ATRIP: variants seen among roughly 807,000 people sequenced by gnomAD.
ATRIP encodes the protein ATR interacting protein.
In ATRIP, 44 loss-of-function variants were observed where a neutral mutation model predicts 78.1. The observed-to-expected ratio is 0.56, with a 90% CI of 0.44 to 0.72. The LOEUF is 0.72. ATRIP is among the 30% of genes least tolerant of loss of function. The pLI, the probability that ATRIP is intolerant of heterozygous loss-of-function variation, is 0.00. For missense variants in ATRIP, 927 were observed against 980.2 expected (o/e 0.95, Z 0.72); for synonymous variants, 388 against 408.9 (o/e 0.95, Z 0.62).
rs2040080611 is a variant in ATRIP, at chr3:48,460,676, T to A, written c.1622T>A (p.Met541Lys). The change falls in exon 8 of 13, where the codon ATG becomes AAG. Residue 541 changes from methionine (M) to lysine (K), a missense_variant. Transcript: ENST00000320211. The stretch of plus-strand genomic sequence containing the variant: ...CAAGGACAGCACCCACTGTTGAAGA[T>A]GCTTCTTCACCTGTTGGCTTTCTCT... ...DDQGQHPLLK[M>K]LLHLLAFSSA... 1 of 1,614,060 alleles carries A rather than the reference T, an allele frequency of 6.2e-7. No homozygotes were observed. Among genetic ancestry groups the A allele is most frequent in the Admixed American group, 1.7e-5 (1 of 60,006 alleles).
Position 48,463,780 on chromosome 3 carries a change from T to A in ATRIP, c.1781T>A (p.Leu594His). The A allele has an allele frequency of 6.2e-7, 1 of 1,614,182 alleles. No homozygotes were observed. The highest frequency in any genetic ancestry group is 8.5e-7 in the Non-Finnish European group (1 of 1,180,032). The change falls in exon 9 of 13, where the codon CTC becomes CAC. Residue 594 changes from leucine to histidine, a missense_variant. Coordinates refer to ENST00000320211, the MANE Select transcript of ATRIP (RefSeq NM_130384.3). ...GTGTTCCAAGTGCTGCCAAAGTGCC[T>A]CAGCCCAGAGACACCCCTGCCTAGC... ...QCVFQVLPKC[L>H]SPETPLPSVL...
At chr3:48,450,330 A>G (rs928050859) in intron 2 of ATRIP, among the ~76,000 whole-genome samples, 160 bp downstream of exon 2, 1 of 152,260 alleles carries the variant, frequency 6.6e-6, no homozygotes, top group East Asian at 1.9e-4. Flanking sequence ...TTTAGGCTGA[A>G]AGAAACTAAA....
rs748513423 is a variant in ATRIP, at chr3:48,459,767, A to T, written c.926-20A>T. ...GATCTCCCATGTCAGAACCTTCTAG[A>T]GTCATCTTGTCTTCTGCAGGTTCCA... On this transcript the variant is annotated intron_variant, in intron 6 of 12. Coordinates refer to ENST00000320211, the MANE Select transcript of ATRIP (RefSeq NM_130384.3). 4.4e-6 allele frequency: 7 copies of T among 1,606,368 alleles called. No individual in the cohort carries two copies. The Admixed American group carries it at 8.7e-5, about 20-fold the overall frequency.
rs2039694214 is a variant in ATRIP at position 48,447,031 on chromosome 3, G to C, written c.186G>C (p.Glu62Asp). 10 of 1,571,980 alleles carry C rather than the reference G, an allele frequency of 6.4e-6. No homozygotes were observed. In the East Asian group the frequency reaches 2.5e-4, roughly 40 times the overall value. The change falls in exon 1 of 13, where the codon GAG becomes GAC. Residue 62 changes from glutamate to aspartate, a missense_variant. Glu to Asp is a conservative substitution (Grantham distance 45). Coordinates refer to ENST00000320211, the MANE Select transcript of ATRIP (RefSeq NM_130384.3). ...HGDFTADDLEELDTLASQALS... is the reference protein window; with the variant it reads ...HGDFTADDLEDLDTLASQALS... Reference sequence around the variant, plus strand: ...ACTTCACTGCCGACGACCTGGAGGAGCTTGACACCCTCGCGTCACAGGCCC... The same window carrying C: ...ACTTCACTGCCGACGACCTGGAGGACCTTGACACCCTCGCGTCACAGGCCC...
intron 1 of ATRIP, among the ~76,000 whole-genome samples, chr3:48,449,187 G>A (rs574103381): frequency 1.7e-4 from 26 of 152,082 alleles, no homozygotes; most frequent in Non-Finnish European, 3.1e-4. Flanking sequence ...GCCAAGGTGG[G>A]CTGATCACTT....
chr3:48,453,964 T>G (rs6764539), intron 3 of ATRIP, among the ~76,000 whole-genome samples: 1,932 of 152,198 alleles, frequency 0.013, 43 homozygotes, highest in African/African-American at 0.043. Context: ...CTTGCTATTT[T>G]GCCCAGGCTG....
At position 48,450,100 on chromosome 3, in the gene ATRIP, A is replaced by G. The variant is rs374799413; in HGVS notation, c.311A>G (p.Glu104Gly). ...MSKNPSGKNRETVPIKDNFEL... is the reference protein window; with the variant it reads ...MSKNPSGKNRGTVPIKDNFEL... ...AAAAATCCTTCAGGGAAAAACAGAGAAACTGTTCCAATTAAAGATAATTTC... is the reference window on the plus strand; with the variant it reads ...AAAAATCCTTCAGGGAAAAACAGAGGAACTGTTCCAATTAAAGATAATTTC... Residue 104 changes from glutamate (E) to glycine (G), a missense_variant, in exon 2 of 13, where the codon GAA (glutamate) becomes GGA (glycine). Transcript: ENST00000320211. 4 of 1,613,118 alleles carry G rather than the reference A, an allele frequency of 2.5e-6. No homozygotes were observed. The African/African-American group carries it at 5.3e-5, about 22-fold the overall frequency.
intron 8 of ATRIP, chr3:48,461,525 C>G (rs935731644): frequency 2.0e-5 from 3 of 152,386 alleles, no homozygotes; most frequent in Non-Finnish European, 4.4e-5. Context: ...ACTGCTGTTT[C>G]CTAGATCTGT....
rs2040280887 is a variant in ATRIP, at chr3:48,466,097, T to A, written c.*543T>A. 2.6e-6 allele frequency: 1 copy of A among 385,184 alleles called. No individual in the cohort carries two copies. Among genetic ancestry groups the A allele is most frequent in the South Asian group, 2.3e-5 (1 of 43,912 alleles). The allele number at this position is 385,184 out of a possible 1,614,324, so 23.9% of individuals were successfully genotyped here. ...CCACAGCTGTGGATCTTGGAAGGCC[T>A]CTGGGGTCCCCCGGGAGCAGGGGAG... On this transcript the variant is annotated 3_prime_UTR_variant, in exon 13 of 13. Transcript: ENST00000320211.
rs1325122229 is a variant in ATRIP, at chr3:48,466,164, A to G, written c.*610A>G. 2 of 487,006 alleles carry G rather than the reference A, an allele frequency of 4.1e-6. No homozygotes were observed. The highest frequency in any genetic ancestry group is 3.9e-5 in the African/African-American group (2 of 51,322). The allele number at this position is 487,006 out of a possible 1,614,324, so 30.2% of individuals were successfully genotyped here. A position where few individuals can be genotyped will look rare whatever the true frequency, so the allele number is the denominator to read the frequency against. Reference sequence around the variant, plus strand: ...CGGATGGTGGTGAGAGGGACAGACCAGGCAGGCTGACGAGCAGGGCGGGCC... The same window carrying G: ...CGGATGGTGGTGAGAGGGACAGACCGGGCAGGCTGACGAGCAGGGCGGGCC... On this transcript the variant is annotated 3_prime_UTR_variant, in exon 13 of 13. Transcript: ENST00000320211.
In ATRIP at chr3:48,446,803, A is replaced by G; in HGVS notation, c.-43A>G. On this transcript the variant is annotated 5_prime_UTR_variant, in exon 1 of 13. Transcript: ENST00000320211. ...CAGTTCTCCGGCCTGGCGGCAGGCA[A>G]GTCTAGCTCGGCGCTGTCGGATACT... 1 of 1,367,006 alleles carries G rather than the reference A, an allele frequency of 7.3e-7. No individual in the cohort carries two copies. Among genetic ancestry groups the G allele is most frequent in the Middle Eastern group, 2.9e-4 (1 of 3,466 alleles). The allele number at this position is 1,367,006 out of a possible 1,614,324, so 84.7% of individuals were successfully genotyped here.
Position 48,447,112 on chromosome 3 carries a change from T to A in ATRIP, c.247+20T>A. The A allele has an allele frequency of 6.7e-7, 1 of 1,482,818 alleles. No individual in the cohort carries two copies. Among genetic ancestry groups the A allele is most frequent in the Non-Finnish European group, 9.0e-7 (1 of 1,112,382 alleles). The allele number at this position is 1,482,818 out of a possible 1,614,324, so 91.9% of individuals were successfully genotyped here. A position where few individuals can be genotyped will look rare whatever the true frequency, so the allele number is the denominator to read the frequency against. On this transcript the variant is annotated intron_variant, in intron 1 of 12. Transcript: ENST00000320211. ...TGTCCAGTGAGTGCTCCTCGCGGCC[T>A]TTTGCTCGGAGGGAGTTGTCAACCG...
intron 1 of ATRIP, 78 bp from the exon 2 acceptor site, chr3:48,449,959 A>AT (rs896342018): frequency 2.8e-5 from 40 of 1,424,032 alleles, no homozygotes; most frequent in African/African-American, 4.4e-5. Flanking sequence ...AAAAAAAAAA[A>AT]GTGGGTATTT....
Position 48,460,458 on chromosome 3 carries a change from G to T in ATRIP, c.1404G>T (p.Val468=), listed in dbSNP as rs2040072527. Residue 468 remains valine, a synonymous_variant, in exon 8 of 13, where the codon GTG becomes GTT. Coordinates refer to ENST00000320211, the MANE Select transcript of ATRIP (RefSeq NM_130384.3). ...TAGAGACCAACCCTGAGGACTCAGT[G>T]TGCATCCTGGAAGGCTTCTCTGTGA... The part of the protein sequence containing the change: ...SGVETNPEDS[V]CILEGFSVTA... 1 of 1,610,958 alleles carries T rather than the reference G, an allele frequency of 6.2e-7. No homozygotes were observed. Among genetic ancestry groups the T allele is most frequent in the Non-Finnish European group, 8.5e-7 (1 of 1,178,272 alleles).
intron 2 of ATRIP, chr3:48,450,448 A>T (rs2039804284): frequency 2.5e-6 from 3 of 1,177,510 alleles, no homozygotes; most frequent in Non-Finnish European, 3.4e-6. Context: ...ATGTATCTTC[A>T]TGTGAATAAT....
In ATRIP at chr3:48,457,273, C is replaced by G. The variant is rs1297158554; in HGVS notation, c.686C>G (p.Pro229Arg). ...SVSHVSPRKN[P>R]SVVIKPEACS... is the part of the protein sequence containing the mutation. ...ACTTTTTCCAGTCCTAGGAAAAACCCTTCTGTGGTTATAAAGCCAGAAGCA... is the reference window on the plus strand; with the variant it reads ...ACTTTTTCCAGTCCTAGGAAAAACCGTTCTGTGGTTATAAAGCCAGAAGCA... The change falls in exon 5 of 13, where the codon CCT becomes CGT. Residue 229 changes from proline to arginine, a missense_variant. Coordinates refer to ENST00000320211, the MANE Select transcript of ATRIP (RefSeq NM_130384.3). 5.1e-6 allele frequency: 8 copies of G among 1,583,698 alleles called. No homozygotes were observed. The African/African-American group carries it at 1.1e-4, about 22-fold the overall frequency.
At position 48,463,686 on chromosome 3, in the gene ATRIP, G is replaced by T. The variant is rs1016117968; in HGVS notation, c.1746-59G>T. 2.1e-5 allele frequency: 33 copies of T among 1,603,996 alleles called. No individual in the cohort carries two copies. In the African/African-American group the frequency reaches 4.4e-4, roughly 21 times the overall value. On this transcript the variant is annotated intron_variant, in intron 8 of 12. Transcript: ENST00000320211. ...TCTGTTACCTCTAGTGGAGTGTGAA[G>T]GTAGGTTATGGAGCTGGGGTTGGGG...
Position 48,447,014 on chromosome 3 carries a change from G to A in ATRIP, c.169G>A (p.Ala57Thr), listed in dbSNP as rs767707232. 2.0e-5 allele frequency: 31 copies of A among 1,581,168 alleles called. No homozygotes were observed. Among genetic ancestry groups the A allele is most frequent in the African/African-American group, 2.8e-5 (2 of 71,654 alleles). Residue 57 changes from alanine (A) to threonine (T), a missense_variant, in exon 1 of 13, where the codon GCC becomes ACC. By Grantham distance (58) the Ala-to-Thr change is moderately conservative. Transcript: ENST00000320211. Reference sequence around the variant, plus strand: ...GTTCGGCGCGCATGGGGACTTCACTGCCGACGACCTGGAGGAGCTTGACAC... The same window carrying A: ...GTTCGGCGCGCATGGGGACTTCACTACCGACGACCTGGAGGAGCTTGACAC... Reference protein sequence around the residue: ...DPFGAHGDFTADDLEELDTLA... With the variant: ...DPFGAHGDFTTDDLEELDTLA...
rs764973562 is a variant in ATRIP at position 48,459,799 on chromosome 3, T to TAA, written c.940_941dup (p.Asn314LysfsTer5). 2.5e-6 allele frequency: 4 copies of TAA among 1,611,750 alleles called. No individual in the cohort carries two copies. The East Asian group carries it at 8.9e-5, about 36-fold the overall frequency. On this transcript the variant is annotated frameshift_variant, in exon 7 of 13. Transcript: ENST00000320211. LOFTEE classifies it high-confidence loss of function. ...TTGTCTTCTGCAGGTTCCATTTTGA[T>TAA]AAACCTGCTCCTGAAGCAGCCTTTG...
Sources: allele counts gnomAD v4.1 joint callset (sites outside exome capture counted in the v4.1 genomes callset), GRCh38; gene constraint gnomAD v4.1.1; transcripts MANE v1.5; gene names NCBI Gene and HGNC (gene_info 2026-07-23, HGNC 2026-07-21).